LOXL4: variants seen among roughly 807,000 people sequenced by gnomAD.
LOXL4 encodes the protein lysyl oxidase like 4, also known as lysyl oxidase homolog 4.
A neutral mutation model predicts 89.1 loss-of-function variants in LOXL4; 72 were observed. The observed-to-expected ratio is 0.81, with a 90% CI of 0.67 to 0.98. LOXL4 has a LOEUF of 0.98. LOXL4 is among the 50% of genes least tolerant of loss of function. LOXL4 has a pLI of 0.00. For missense variants in LOXL4, 984 were observed against 1,017.5 expected (o/e 0.97, Z 0.45); for synonymous variants, 355 against 392.1 (o/e 0.91, Z 1.12).
chr10:98,257,015 G>T, intron 8 of LOXL4, 68 bp from the exon 9 acceptor site: 1 of 1,543,484 alleles, frequency 6.5e-7, no homozygotes, highest in Non-Finnish European at 8.7e-7. Flanking sequence ...CTGCGAGCCT[G>T]GAGGTCTGCC....
At chr10:98,258,702 A>AAGGAGCAGGCTC (rs150017654) in intron 6 of LOXL4, among the ~76,000 whole-genome samples, 1 of 152,130 alleles carries the variant, frequency 6.6e-6, no homozygotes, top group Admixed American at 6.5e-5. Context: ...CTTTAAAACA[A>AAGGAGCAGGCTC]AGGAGCAGGC....
At chr10:98,263,160 ATGTG>A in intron 1 of LOXL4, 109 bp from the exon 2 acceptor site, 1 of 496,006 alleles carries the variant, frequency 2.0e-6, no homozygotes, top group Non-Finnish European at 3.6e-6. Context: ...CCCCCCTCAA[ATGTG>A]TGTGTGTGTG....
chr10:98,259,281 G>GTAA, intron 5 of LOXL4, 53 bp from the exon 6 acceptor site: 1 of 1,587,042 alleles, frequency 6.3e-7, no homozygotes, highest in African/African-American at 1.3e-5. Context: ...AAGAGCTTCA[G>GTAA]GACTAAGGGA....
At chr10:98,258,194 C>A (rs773549468) in intron 6 of LOXL4, 30 bp from the exon 7 acceptor site, 1 of 1,587,880 alleles carries the variant, frequency 6.3e-7, no homozygotes, top group Non-Finnish European at 8.6e-7. Flanking sequence ...TCAGGGACGG[C>A]TGAGGAGGAG....
chr10:98,250,001 A>T (rs912016089), intron 14 of LOXL4, among the ~76,000 whole-genome samples: 2 of 152,170 alleles, frequency 1.3e-5, no homozygotes, highest in Admixed American at 1.3e-4. Flanking sequence ...ACGGGATAAA[A>T]TCCATTATCT....
Position 98,262,895 on chromosome 10 carries a change from T to A in LOXL4, c.125A>T (p.Glu42Val), listed in dbSNP as rs1465726779. ...GTGCAGCACCTCCAGGCGGCCCTCCTCTGGCTTGCTCTCTGGGCCCACCAG... is the reference window on the plus strand; with the variant it reads ...GTGCAGCACCTCCAGGCGGCCCTCCACTGGCTTGCTCTCTGGGCCCACCAG... Reference protein sequence around the residue: ...LRLVGPESKPEEGRLEVLHQG... With the variant: ...LRLVGPESKPVEGRLEVLHQG... The change falls in exon 2 of 15, where the codon GAG becomes GTG. Residue 42 changes from glutamate (E) to valine (V), a missense_variant. Transcript: ENST00000260702. The A allele has an allele frequency of 6.2e-7, 1 of 1,613,626 alleles. No individual in the cohort carries two copies.
rs1858090237 is a variant in LOXL4, at chr10:98,248,116, TG to T, written c.*804del. 2.0e-5 allele frequency: 3 copies of T among 152,218 alleles called. No homozygotes were observed. The South Asian group carries it at 6.2e-4, about 32-fold the overall frequency. 9.4% of individuals were successfully genotyped at this position (152,218 alleles called of 1,614,324 possible). On this transcript the variant is annotated 3_prime_UTR_variant, in exon 15 of 15. Coordinates refer to ENST00000260702, the MANE Select transcript of LOXL4 (RefSeq NM_032211.7). The stretch of plus-strand genomic sequence containing the variant: ...GAGAGCAGACTGCCTGCCAGGTAAA[TG>T]GTCCATATTATTTCCTTGGCAGAGG...
chr10:98,254,611 T>A (rs1858301395), intron 10 of LOXL4, among the ~76,000 whole-genome samples: 1 of 151,976 alleles, frequency 6.6e-6, no homozygotes, highest in African/African-American at 2.4e-5. Flanking sequence ...GAAAAACAGG[T>A]GGTTACAGAG....
At chr10:98,263,851 C>A (rs568057815) in intron 1 of LOXL4, among the ~76,000 whole-genome samples, 1 of 151,908 alleles carries the variant, frequency 6.6e-6, no homozygotes, top group East Asian at 1.9e-4. Flanking sequence ...CTGCCTCATC[C>A]TCCTGAGTAG....
At chr10:98,257,520 G>T (rs989650715) in intron 8 of LOXL4, 130 bp downstream of exon 8, 1 of 1,151,602 alleles carries the variant, frequency 8.7e-7, no homozygotes, top group African/African-American at 1.5e-5. Context: ...AGGGAAGGCA[G>T]ACTGGTGCCC....
intron 14 of LOXL4, among the ~76,000 whole-genome samples, chr10:98,250,783 A>ATT (rs1858168513): frequency 6.6e-6 from 1 of 152,242 alleles, no homozygotes; most frequent in Non-Finnish European, 1.5e-5. Context: ...AGGTGACAGG[A>ATT]AAGATTCTAG....
chr10:98,251,415 GACTGTT>G, intron 13 of LOXL4, 145 bp downstream of exon 13: 1 of 1,092,250 alleles, frequency 9.2e-7, no homozygotes, highest in Non-Finnish European at 1.3e-6. Flanking sequence ...GACCCAGCTT[GACTGTT>G]ACTTCCCTAA....
chr10:98,260,566 A>G (rs1858508015), intron 4 of LOXL4, among the ~76,000 whole-genome samples: 1 of 152,134 alleles, frequency 6.6e-6, no homozygotes, highest in South Asian at 2.1e-4. Context: ...GGTATTTCCC[A>G]GGATCCTGAA....
intron 3 of LOXL4, among the ~76,000 whole-genome samples, chr10:98,261,342 A>G (rs1458430162): frequency 6.6e-6 from 1 of 152,212 alleles, no homozygotes; most frequent in African/African-American, 2.4e-5. Context: ...AGCTTGTCTA[A>G]GCCCTTTCCC....
chr10:98,253,882 C>G (rs1858284016), intron 10 of LOXL4, 86 bp from the exon 11 acceptor site: 1 of 1,554,730 alleles, frequency 6.4e-7, no homozygotes, highest in Non-Finnish European at 8.7e-7. Context: ...AGCTTGCCCC[C>G]AGATTAAACC....
At position 98,251,196 on chromosome 10, in the gene LOXL4, A is replaced by G; in HGVS notation, c.2089-20T>C. ...AATCACCTAGAGTGAAAGAGGGGAC[A>G]ACTGAAAATGGGTGATTTGGTTTCT... is the stretch of plus-strand genomic sequence containing the variant. On this transcript the variant is annotated intron_variant, in intron 13 of 14. Coordinates refer to ENST00000260702, the MANE Select transcript of LOXL4 (RefSeq NM_032211.7). 1 of 1,557,254 alleles carries G rather than the reference A, an allele frequency of 6.4e-7. No individual in the cohort carries two copies. The highest frequency in any genetic ancestry group is 1.4e-5 in the African/African-American group (1 of 74,028).
chr10:98,263,128 T>G, intron 1 of LOXL4, 77 bp from the exon 2 acceptor site: 3 of 1,243,836 alleles, frequency 2.4e-6, no homozygotes, highest in Non-Finnish European at 3.4e-6. Context: ...TGGCAGCTCC[T>G]GGCAAGACAA....
intron 11 of LOXL4, 136 bp from the exon 12 acceptor site, chr10:98,252,604 C>A: frequency 1.6e-6 from 1 of 613,376 alleles, no homozygotes. Context: ...CTTCTCCCTC[C>A]CAAACCCGAG....
Position 98,251,092 on chromosome 10 carries a change from G to A in LOXL4, c.2173C>T (p.Arg725Trp), listed in dbSNP as rs770272930. The A allele has an allele frequency of 7.4e-6, 12 of 1,613,902 alleles. No individual in the cohort carries two copies. The highest frequency in any genetic ancestry group is 4.5e-5 in the East Asian group (2 of 44,894). ...LQCRCKYDGH[R>W]VWLHNCHTGN... The stretch of plus-strand genomic sequence containing the variant: ...GTGTGGCAGTTGTGCAGCCAGACCC[G>A]GTGCCCATCATACTTGCAGCGGCAC... Residue 725 changes from arginine (R) to tryptophan (W), a missense_variant, in exon 14 of 15, where the codon CGG (arginine) becomes TGG (tryptophan). Physicochemically the swap from Arg to Trp is moderately radical, Grantham distance 101. Coordinates refer to ENST00000260702, the MANE Select transcript of LOXL4 (RefSeq NM_032211.7).
Sources: allele counts gnomAD v4.1 joint callset (sites outside exome capture counted in the v4.1 genomes callset), GRCh38; gene constraint gnomAD v4.1.1; transcripts MANE v1.5; gene names NCBI Gene and HGNC (gene_info 2026-07-23, HGNC 2026-07-21).